Variants in SPATA12 observed in about 807,000 individuals in gnomAD.
SPATA12 encodes spermatogenesis-associated protein 12.
For synonymous variants in SPATA12, 85 were observed against 89.2 expected (o/e 0.95, Z 0.26); for missense variants, 219 against 226.4 (o/e 0.97, Z 0.21).
At chr3:57,071,923 T>C (rs1705927607) in intron 1 of SPATA12, among the ~76,000 whole-genome samples, 1 of 152,012 alleles carries the variant, frequency 6.6e-6, no homozygotes, top group African/African-American at 2.4e-5. Flanking sequence ...AACTCAATAA[T>C]AAAGAGACAT....
intron 1 of SPATA12, among the ~76,000 whole-genome samples, chr3:57,069,664 G>A (rs1277186701): frequency 6.6e-6 from 1 of 150,482 alleles, no homozygotes. Flanking sequence ...TTTTTCTTTT[G>A]AGACAGGGTC....
Position 57,074,387 on chromosome 3 carries a change from T to G in SPATA12, c.*120T>G. 1 of 813,604 alleles carries G rather than the reference T, an allele frequency of 1.2e-6. No homozygotes were observed. The allele number at this position is 813,604 out of a possible 1,614,324, so 50.4% of individuals were successfully genotyped here. On this transcript the variant is annotated 3_prime_UTR_variant, in exon 2 of 2. Coordinates refer to ENST00000334325, the MANE Select transcript of SPATA12 (RefSeq NM_181727.2). ...GGGGTGACTCGTAGCCATCCCTTTC[T>G]GCATCTTCTTAGATATCACTTTTTC...
chr3:57,062,457 G>A (rs761906766), intron 1 of SPATA12, among the ~76,000 whole-genome samples: 4 of 152,206 alleles, frequency 2.6e-5, no homozygotes, highest in Non-Finnish European at 5.9e-5. Flanking sequence ...ACGGCGGCGG[G>A]GGCGGGGGGT....
chr3:57,068,675 G>C (rs1705701474), intron 1 of SPATA12, among the ~76,000 whole-genome samples: 1 of 152,220 alleles, frequency 6.6e-6, no homozygotes, highest in Non-Finnish European at 1.5e-5. Context: ...GTGTCATAGA[G>C]ATAGGTCACA....
At chr3:57,068,047 C>T (rs1291816656) in intron 1 of SPATA12, among the ~76,000 whole-genome samples, 1 of 152,006 alleles carries the variant, frequency 6.6e-6, no homozygotes, top group Non-Finnish European at 1.5e-5. Flanking sequence ...GTGGCATGCA[C>T]CTGTAGTCCC....
chr3:57,074,378 A>T lies in SPATA12; in HGVS notation c.*111A>T, dbSNP rs1251595494. The T allele has an allele frequency of 2.2e-6, 2 of 909,240 alleles. No individual in the cohort carries two copies. Among genetic ancestry groups the T allele is most frequent in the Non-Finnish European group, 3.4e-6 (2 of 582,042 alleles). 56.3% of individuals were successfully genotyped at this position (909,240 alleles called of 1,614,324 possible). A position where few individuals can be genotyped will look rare whatever the true frequency, so the allele number is the denominator to read the frequency against. On this transcript the variant is annotated 3_prime_UTR_variant, in exon 2 of 2. Coordinates refer to ENST00000334325, the MANE Select transcript of SPATA12 (RefSeq NM_181727.2). ...CCCCCACCAGGGGTGACTCGTAGCC[A>T]TCCCTTTCTGCATCTTCTTAGATAT...
rs1560181130 is a variant in SPATA12, at chr3:57,074,441, A to G, written c.*174A>G. 6.5e-6 allele frequency: 4 copies of G among 616,254 alleles called. No individual in the cohort carries two copies. The highest frequency in any genetic ancestry group is 4.1e-5 in the South Asian group (2 of 48,592). 38.2% of individuals were successfully genotyped at this position (616,254 alleles called of 1,614,324 possible). On this transcript the variant is annotated 3_prime_UTR_variant, in exon 2 of 2. Coordinates refer to ENST00000334325, the MANE Select transcript of SPATA12 (RefSeq NM_181727.2). ...GAAGCCTCCCTGTCACACTTCCCCAATATCACAGATGAAGAAATCAAGATT... is the reference window on the plus strand; with the variant it reads ...GAAGCCTCCCTGTCACACTTCCCCAGTATCACAGATGAAGAAATCAAGATT...
intron 1 of SPATA12, among the ~76,000 whole-genome samples, chr3:57,067,363 G>C (rs1490077571): frequency 6.6e-6 from 1 of 151,656 alleles, no homozygotes. Context: ...GCTGAGGCGG[G>C]AGAATGGCGT....
rs1378607460 is a variant in SPATA12, at chr3:57,074,103, A to C, written c.409A>C (p.Asn137His). ...PQFLGMEDGD[N>H]ERTTGWLWRL... ...ATTTCTTGGTATGGAAGATGGGGATAATGAGAGGACCACAGGATGGTTGTG... is the reference window on the plus strand; with the variant it reads ...ATTTCTTGGTATGGAAGATGGGGATCATGAGAGGACCACAGGATGGTTGTG... The change falls in exon 2 of 2, where the codon AAT becomes CAT. Residue 137 changes from asparagine (N) to histidine (H), a missense_variant. Transcript: ENST00000334325. 1 of 1,613,958 alleles carries C rather than the reference A, an allele frequency of 6.2e-7. No individual in the cohort carries two copies. The highest frequency in any genetic ancestry group is 8.5e-7 in the Non-Finnish European group (1 of 1,179,840).
chr3:57,066,222 T>C (rs1226646031), intron 1 of SPATA12, among the ~76,000 whole-genome samples: 3 of 151,810 alleles, frequency 2.0e-5, no homozygotes, highest in Non-Finnish European at 4.4e-5. Context: ...CTCCTATCTG[T>C]ACCAACAGCA....
At chr3:57,070,949 G>A (rs1306199035) in intron 1 of SPATA12, among the ~76,000 whole-genome samples, 1 of 144,940 alleles carries the variant, frequency 6.9e-6, no homozygotes, top group Non-Finnish European at 1.5e-5. Context: ...TTCAGCCTGG[G>A]TGACAGAGCA....
At chr3:57,062,156 A>T (rs995846511) in intron 1 of SPATA12, among the ~76,000 whole-genome samples, 9 of 79,170 alleles carry the variant, frequency 1.1e-4, no homozygotes, top group African/African-American at 4.1e-4. Context: ...TTGTAGGAAG[A>T]TCCCTGGAGC....
Position 57,073,826 on chromosome 3 carries a change from C to T in SPATA12, c.132C>T (p.Pro44=). 6.2e-7 allele frequency: 1 copy of T among 1,614,208 alleles called. No individual in the cohort carries two copies. Among genetic ancestry groups the T allele is most frequent in the South Asian group, 1.1e-5 (1 of 91,084 alleles). The part of the protein sequence containing the change: ...PRGLGSSTQH[P]NKPHCALASC... ...GCCTTGGGTCATCCACCCAACATCC[C>T]AACAAACCCCACTGTGCACTGGCAT... Residue 44 remains proline, a synonymous_variant, in exon 2 of 2, where the codon CCC becomes CCT. Coordinates refer to ENST00000334325, the MANE Select transcript of SPATA12 (RefSeq NM_181727.2).
Position 57,073,551 on chromosome 3 carries a change from T to A in SPATA12, c.-144T>A. ...GCTCTGTTTGAGCACCCCGGGATGA[T>A]TGGTGGTGGGGTGTGGCTGAAGGTG... On this transcript the variant is annotated 5_prime_UTR_variant, in exon 2 of 2. In the 5' UTR this introduces an upstream ATG that the reference lacks. Coordinates refer to ENST00000334325, the MANE Select transcript of SPATA12 (RefSeq NM_181727.2). 1 of 1,352,534 alleles carries A rather than the reference T, an allele frequency of 7.4e-7. No individual in the cohort carries two copies. The highest frequency in any genetic ancestry group is 1.6e-5 in the South Asian group (1 of 64,382). 83.8% of individuals were successfully genotyped at this position (1,352,534 alleles called of 1,614,324 possible).
At chr3:57,068,168 T>TACACATAC (rs1553820868) in intron 1 of SPATA12, among the ~76,000 whole-genome samples, 2 of 148,982 alleles carry the variant, frequency 1.3e-5, no homozygotes, top group East Asian at 3.9e-4. Context: ...CACACACACA[T>TACACATAC]ACACACACAC....
intron 1 of SPATA12, among the ~76,000 whole-genome samples, chr3:57,071,936 A>G (rs1705928843): frequency 6.6e-6 from 1 of 152,214 alleles, no homozygotes; most frequent in Non-Finnish European, 1.5e-5. Context: ...AGAGACATAT[A>G]ATCCAATTTA....
intron 1 of SPATA12, among the ~76,000 whole-genome samples, chr3:57,061,182 A>C (rs879343698): frequency 5.3e-5 from 8 of 152,036 alleles, no homozygotes; most frequent in Non-Finnish European, 8.8e-5. Flanking sequence ...TTCTCTCTCT[A>C]AACTTGCTAT....
chr3:57,061,082 TTTG>T (rs1434653989), intron 1 of SPATA12, among the ~76,000 whole-genome samples: 5 of 152,120 alleles, frequency 3.3e-5, no homozygotes, highest in African/African-American at 9.7e-5. Flanking sequence ...TTTCCAGAAC[TTTG>T]TTGTCATTCT....
chr3:57,073,703 T>C lies in SPATA12; in HGVS notation c.9T>C (p.Ser3=), dbSNP rs764274275. The change falls in exon 2 of 2, where the codon AGT becomes AGC. Residue 3 remains serine, a synonymous_variant. Transcript: ENST00000334325. Reference sequence around the variant, plus strand: ...TTTTTGACTTGGGCCCCATGTCCAGTTCTGCTCTGACTTGTGGGTCCACCT... The same window carrying C: ...TTTTTGACTTGGGCCCCATGTCCAGCTCTGCTCTGACTTGTGGGTCCACCT... MS[S]SALTCGSTLE... is the part of the protein sequence containing the mutation. 7 of 1,613,510 alleles carry C rather than the reference T, an allele frequency of 4.3e-6. No homozygotes were observed. The highest frequency in any genetic ancestry group is 5.1e-6 in the Non-Finnish European group (6 of 1,179,710).
Sources: gnomAD v4.1 joint callset for allele counts (sites outside exome capture counted in the v4.1 genomes callset) on GRCh38, gnomAD v4.1.1 for gene constraint, MANE v1.5 for transcripts, NCBI Gene and HGNC (gene_info 2026-07-23, HGNC 2026-07-21) for gene names.